FRMD3: variants seen among roughly 807,000 people sequenced by gnomAD.
FRMD3 encodes FERM domain containing 3, also known as FERM domain-containing protein 3.
Under a neutral mutation model 70.2 loss-of-function variants are expected in FRMD3, and 33 were observed. The observed-to-expected ratio is 0.47, with a 90% CI of 0.36 to 0.63. The LOEUF (loss-of-function observed/expected upper bound fraction) is 0.63, where lower values mean the gene tolerates loss of function less well. Among genes scored for constraint, FRMD3 ranks in the 20% least tolerant of loss-of-function variants. The pLI, the probability that FRMD3 is intolerant of heterozygous loss-of-function variation, is 0.00. For missense variants in FRMD3, 632 were observed against 711.4 expected (o/e 0.89, Z 1.27); for synonymous variants, 279 against 255.9 (o/e 1.09, Z -0.86).
chr9:83,485,903 C>T (rs1482990451), intron 1 of FRMD3, among the ~76,000 whole-genome samples: 6 of 151,792 alleles, frequency 4.0e-5, no homozygotes, highest in Non-Finnish European at 5.9e-5. Context: ...TTCTTAAAAA[C>T]CTTCAAAAAA....
intron 1 of FRMD3, among the ~76,000 whole-genome samples, chr9:83,519,163 G>A (rs182724770): frequency 5.3e-5 from 8 of 152,240 alleles, no homozygotes; most frequent in South Asian, 4.1e-4. Context: ...AAACTAAAGC[G>A]CTTCTGCATA....
intron 1 of FRMD3, among the ~76,000 whole-genome samples, chr9:83,455,051 T>A (rs567605084): frequency 1.0e-3 from 153 of 151,426 alleles, no homozygotes; most frequent in Middle Eastern, 3.4e-3. Flanking sequence ...TCTGCCTATA[T>A]CTGACAAGTT....
intron 10 of FRMD3, among the ~76,000 whole-genome samples, chr9:83,303,559 G>T (rs898559332): frequency 5.3e-5 from 8 of 152,188 alleles, no homozygotes; most frequent in Non-Finnish European, 1.0e-4. Flanking sequence ...TGATGATGCT[G>T]GTCCAGGGAC....
At chr9:83,394,151 A>G (rs1825749353) in intron 1 of FRMD3, among the ~76,000 whole-genome samples, 1 of 151,500 alleles carries the variant, frequency 6.6e-6, no homozygotes, top group Non-Finnish European at 1.5e-5. Flanking sequence ...TTCTCTGCCC[A>G]TTTTTCAGAC....
chr9:83,299,393 C>G (rs1834813300), intron 10 of FRMD3, among the ~76,000 whole-genome samples: 1 of 152,202 alleles, frequency 6.6e-6, no homozygotes, highest in Non-Finnish European at 1.5e-5. Flanking sequence ...CTAATATTTT[C>G]TACGCTATTT....
At chr9:83,479,629 AAGG>A in intron 1 of FRMD3, among the ~76,000 whole-genome samples, 1 of 34,436 alleles carries the variant, frequency 2.9e-5, no homozygotes, top group East Asian at 5.2e-4. Flanking sequence ...TGAAGAAAGG[AAGG>A]AAGGAAGGAA....
At chr9:83,364,180 G>A (rs139487511) in intron 3 of FRMD3, among the ~76,000 whole-genome samples, 5 of 152,184 alleles carry the variant, frequency 3.3e-5, no homozygotes, top group Middle Eastern at 3.4e-3. Context: ...ATTACTACTC[G>A]TTATATGTTT....
intron 13 of FRMD3, among the ~76,000 whole-genome samples, chr9:83,262,132 G>A (rs906017360): frequency 1.4e-4 from 21 of 152,164 alleles, no homozygotes; most frequent in Non-Finnish European, 2.9e-4. Context: ...GAAAATCCAT[G>A]TTGCTGAATC....
intron 9 of FRMD3, among the ~76,000 whole-genome samples, chr9:83,310,005 T>G (rs1387020176): frequency 1.3e-5 from 2 of 152,238 alleles, no homozygotes; most frequent in African/African-American, 4.8e-5. Flanking sequence ...GAGCTACCTC[T>G]GAGGCTTAAT....
intron 1 of FRMD3, among the ~76,000 whole-genome samples, chr9:83,469,985 G>T (rs1828229203): frequency 6.6e-6 from 1 of 152,182 alleles, no homozygotes; most frequent in African/African-American, 2.4e-5. Context: ...TAGGACCCAG[G>T]CATTTGTACT....
At chr9:83,407,843 C>CTG in intron 1 of FRMD3, among the ~76,000 whole-genome samples, 1 of 120,282 alleles carries the variant, frequency 8.3e-6, no homozygotes, top group East Asian at 2.4e-4. Flanking sequence ...TTGAGTCTCT[C>CTG]TCTCTCTCTC....
At chr9:83,392,865 T>C (rs1473161916) in intron 1 of FRMD3, among the ~76,000 whole-genome samples, 3 of 152,320 alleles carry the variant, frequency 2.0e-5, no homozygotes, top group East Asian at 1.9e-4. Context: ...TGTCAGACTT[T>C]TGTTGATTCT....
At chr9:83,572,034 G>T in the FRMD3 span, among the ~76,000 whole-genome samples, 2,511 of 152,262 alleles carry the variant, frequency 0.016, 83 homozygotes, top group African/African-American at 0.057. Context: ...GCTCCCAGAT[G>T]ATGCTAATGC....
chr9:83,420,964 G>T (rs1229578927), intron 1 of FRMD3, among the ~76,000 whole-genome samples: 1 of 116,830 alleles, frequency 8.6e-6, no homozygotes. Flanking sequence ...TTTTTGAGAC[G>T]GAGTCTCGCT....
chr9:83,330,194 G>A (rs55679485), intron 6 of FRMD3, among the ~76,000 whole-genome samples: 7 of 152,034 alleles, frequency 4.6e-5, no homozygotes, highest in East Asian at 1.9e-4. Context: ...GAGAAACCCC[G>A]TCTTTACCAA....
At chr9:83,320,062 G>A (rs911957715) in intron 6 of FRMD3, among the ~76,000 whole-genome samples, 5 of 152,100 alleles carry the variant, frequency 3.3e-5, no homozygotes, top group Admixed American at 6.5e-5. Flanking sequence ...TTTTGGTAGC[G>A]ATTTTAGGGT....
intron 1 of FRMD3, among the ~76,000 whole-genome samples, chr9:83,415,798 T>G (rs1186253250): frequency 1.3e-5 from 2 of 151,970 alleles, no homozygotes; most frequent in African/African-American, 4.8e-5. Flanking sequence ...ATTAGCCTTT[T>G]ATATGTAATT....
intron 1 of FRMD3, among the ~76,000 whole-genome samples, chr9:83,397,515 G>A (rs1381067438): frequency 6.6e-6 from 1 of 152,176 alleles, no homozygotes; most frequent in Non-Finnish European, 1.5e-5. Flanking sequence ...CATGGGAGAG[G>A]CTCGCTGGAA....
At chr9:83,271,044 C>T (rs1833532015) in intron 13 of FRMD3, among the ~76,000 whole-genome samples, 1 of 152,180 alleles carries the variant, frequency 6.6e-6, no homozygotes, top group Non-Finnish European at 1.5e-5. Context: ...CAGAAGCCTG[C>T]TGAATGCAAT....
Sources: allele counts gnomAD v4.1 joint callset (sites outside exome capture counted in the v4.1 genomes callset), GRCh38; gene constraint gnomAD v4.1.1; transcripts MANE v1.5; gene names NCBI Gene and HGNC (gene_info 2026-07-23, HGNC 2026-07-21).